The following CFAP74 variants were observed in gnomAD, a reference collection of about 807,000 sequenced individuals.
CFAP74 encodes the protein cilia- and flagella-associated protein 74.
A neutral mutation model predicts 188.9 loss-of-function variants in CFAP74; 124 were observed. The observed-to-expected ratio is 0.66, with a 90% CI of 0.57 to 0.76. CFAP74 has a LOEUF of 0.76. Among genes scored for constraint, CFAP74 ranks in the 30% least tolerant of loss-of-function variants. CFAP74 has a pLI of 0.00. For missense variants in CFAP74, 2,198 were observed against 2,165.2 expected, an observed-to-expected ratio of 1.02 and a Z score of -0.30; for synonymous variants, 956 against 916.7, an observed-to-expected ratio of 1.04 and a Z score of -0.77.
At chr1:1,992,034 C>A (rs1165386010) in intron 1 of CFAP74, among the ~76,000 whole-genome samples, 2 of 128,562 alleles carry the variant, frequency 1.6e-5, no homozygotes, top group African/African-American at 8.4e-5. Context: ...AGCGAGACTC[C>A]GTCTCAAAAA....
At chr1:1,948,991 T>C (rs375336727) in intron 18 of CFAP74, among the ~76,000 whole-genome samples, 11 of 13,524 alleles carry the variant, frequency 8.1e-4, no homozygotes, top group African/African-American at 1.1e-3. Flanking sequence ...CCTCCTTTCC[T>C]TCATTCCCTT....
Position 1,942,975 on chromosome 1 carries a change from G to A in CFAP74, c.2487-819C>T, listed in dbSNP as rs1653488487. Among the ~76,000 whole-genome samples, 1 of 152,160 alleles carries A rather than the reference G, an allele frequency of 6.6e-6. No homozygotes were observed. The highest frequency in any genetic ancestry group is 1.5e-5 in the Non-Finnish European group (1 of 68,018). On this transcript the variant is annotated intron_variant, in intron 21 of 38. Coordinates refer to ENST00000682832, the MANE Select transcript of CFAP74 (RefSeq NM_001304360.2). The surrounding 1 kb of genome is among the most constrained non-coding windows in gnomAD (Gnocchi z 4.3). The stretch of plus-strand genomic sequence containing the variant: ...GCCTCTGACCTCTGACCACTACCCA[G>A]AGGCCACCCACAGTGCGTCTGGGCA...
Position 1,924,441 on chromosome 1 carries a change from T to A in CFAP74, c.4184A>T (p.Gln1395Leu). The A allele has an allele frequency of 1.4e-6, 2 of 1,448,308 alleles. No individual in the cohort carries two copies. The highest frequency in any genetic ancestry group is 1.8e-6 in the Non-Finnish European group (2 of 1,088,066). The allele number at this position is 1,448,308 out of a possible 1,614,324, so 89.7% of individuals were successfully genotyped here. A position where few individuals can be genotyped will look rare whatever the true frequency, so the allele number is the denominator to read the frequency against. The change falls in exon 34 of 39, where the codon CAG becomes CTG. Residue 1395 changes from glutamine (Q) to leucine (L), a missense_variant. Physicochemically the swap from Gln to Leu is moderately radical, Grantham distance 113 (BLOSUM62 -2). Coordinates refer to ENST00000682832, the MANE Select transcript of CFAP74 (RefSeq NM_001304360.2). Reference protein sequence around the residue: ...SLSSTRGRGQQQLPQFLSSPS... With the variant: ...SLSSTRGRGQLQLPQFLSSPS... ...CGAGCTGAGGAACTGCGGCAGCTGCTGCTGGCCCCGGCCCCGGGTGCTGGA... is the reference window on the plus strand; with the variant it reads ...CGAGCTGAGGAACTGCGGCAGCTGCAGCTGGCCCCGGCCCCGGGTGCTGGA...
chr1:1,929,034 T>C (rs1464582836), intron 26 of CFAP74, among the ~76,000 whole-genome samples, 152 bp from the exon 27 acceptor site: 2 of 151,960 alleles, frequency 1.3e-5, no homozygotes, highest in Non-Finnish European at 2.9e-5. Flanking sequence ...AGGAAGCCCC[T>C]CCCTGACCTC....
intron 1 of CFAP74, among the ~76,000 whole-genome samples, chr1:1,993,866 C>CA (rs1483417312): frequency 1.3e-5 from 2 of 150,970 alleles, no homozygotes; most frequent in African/African-American, 4.9e-5. Context: ...CCTATAGTCC[C>CA]AGCTACTCGG....
At chr1:1,981,765 G>A (rs1261374112) in intron 6 of CFAP74, among the ~76,000 whole-genome samples, 1 of 138,572 alleles carries the variant, frequency 7.2e-6, no homozygotes, top group African/African-American at 2.9e-5. Flanking sequence ...GGTCACACGC[G>A]GGGGCACGCA....
chr1:1,942,187 G>T lies in CFAP74; in HGVS notation c.2487-31C>A, dbSNP rs1281276024. Reference sequence around the variant, plus strand: ...GGCGTGTCGCAGGGCACTGGGTCAGGTGCCACAGTCGTGATTCTGTGTGCG... The same window carrying T: ...GGCGTGTCGCAGGGCACTGGGTCAGTTGCCACAGTCGTGATTCTGTGTGCG... On this transcript the variant is annotated intron_variant, in intron 21 of 38. Coordinates refer to ENST00000682832, the MANE Select transcript of CFAP74 (RefSeq NM_001304360.2). This position sits in a 1 kb window ranked among gnomAD's most constrained non-coding sequence, Gnocchi z 4.3. The T allele has an allele frequency of 1.4e-6, 2 of 1,467,380 alleles. No individual in the cohort carries two copies. Among genetic ancestry groups the T allele is most frequent in the Admixed American group, 5.1e-5 (2 of 39,244 alleles). The allele number at this position is 1,467,380 out of a possible 1,614,324, so 90.9% of individuals were successfully genotyped here. A position where few individuals can be genotyped will look rare whatever the true frequency, so the allele number is the denominator to read the frequency against.
rs189770555 is a variant in CFAP74 at position 1,938,379 on chromosome 1, C to T, written c.3011+476G>A. Among the ~76,000 whole-genome samples, 39 of 151,580 alleles carry T rather than the reference C, an allele frequency of 2.6e-4. No homozygotes were observed. In the East Asian group the frequency reaches 6.2e-3, roughly 24 times the overall value. Reference sequence around the variant, plus strand: ...ACATGCAAGCTCACACACCCACCTACGTGTACTCACATAGGCACTCACCCC... The same window carrying T: ...ACATGCAAGCTCACACACCCACCTATGTGTACTCACATAGGCACTCACCCC... On this transcript the variant is annotated intron_variant, in intron 25 of 38. Coordinates refer to ENST00000682832, the MANE Select transcript of CFAP74 (RefSeq NM_001304360.2).
chr1:1,975,993 C>T lies in CFAP74; in HGVS notation c.501-1795G>A, dbSNP rs944128499. Among the ~76,000 whole-genome samples, 3 of 152,156 alleles carry T rather than the reference C, an allele frequency of 2.0e-5. No homozygotes were observed. Among genetic ancestry groups the T allele is most frequent in the South Asian group, 2.1e-4 (1 of 4,834 alleles). On this transcript the variant is annotated intron_variant, in intron 6 of 38. Transcript: ENST00000682832. The surrounding 1 kb of genome is among the most constrained non-coding windows in gnomAD (Gnocchi z 4.5). ...AATTTCATTCCTCAGTTCTGGAGGC[C>T]GGGAAGTCCAAGGTCAAGGTGCCAG...
At chr1:1,989,413 G>A (rs879650847) in intron 2 of CFAP74, among the ~76,000 whole-genome samples, 1 of 152,204 alleles carries the variant, frequency 6.6e-6, no homozygotes, top group Non-Finnish European at 1.5e-5. Context: ...TACGGCCCCC[G>A]AGCGTTCCTT....
chr1:1,960,349 C>T (rs1308299070), intron 14 of CFAP74, among the ~76,000 whole-genome samples: 1 of 152,276 alleles, frequency 6.6e-6, no homozygotes, highest in Non-Finnish European at 1.5e-5. Context: ...CCACAGTTCC[C>T]CTGGGCACAG....
chr1:1,966,496 A>G lies in CFAP74; in HGVS notation c.1276T>C (p.Ser426Pro). 6.3e-6 allele frequency: 10 copies of G among 1,595,606 alleles called. No homozygotes were observed. The highest frequency in any genetic ancestry group is 8.6e-6 in the Non-Finnish European group (10 of 1,168,844). ...CTGGAAACGACTTCCAGCAACCGAG[A>G]GGGCCCGGGGCCTGCAGCAGCCTCG... ...DYEAAAGPGP[S>P]RLLEVVSSEL... Residue 426 changes from serine (S) to proline (P), a missense_variant, in exon 12 of 39, where the codon TCT (serine) becomes CCT (proline). By Grantham distance (74) the Ser-to-Pro change is moderately conservative. Transcript: ENST00000682832.
Position 1,973,098 on chromosome 1 carries a change from C to T in CFAP74, c.675-51G>A, listed in dbSNP as rs759157737. 2.9e-6 allele frequency: 4 copies of T among 1,365,150 alleles called. No individual in the cohort carries two copies. The African/African-American group carries it at 5.8e-5, about 20-fold the overall frequency. 84.6% of individuals were successfully genotyped at this position (1,365,150 alleles called of 1,614,324 possible). On this transcript the variant is annotated intron_variant, in intron 7 of 38. Transcript: ENST00000682832. This position sits in a 1 kb window ranked among gnomAD's most constrained non-coding sequence, Gnocchi z 6.2. ...GGAAACTCGGCATCACACGTCCCAT[C>T]TGCCCCCAAGCCCTGCACGGCTGGA...
In CFAP74 at chr1:1,927,716, C is replaced by T; in HGVS notation, c.3418G>A (p.Asp1140Asn). ...FRKNMAPQRK[D>N]LHGLSFSVLR... ...ACGGAGAATGACAGTCCATGCAGGTCCTTCCTCTGGGGGGCCATATTCTTT... is the reference window on the plus strand; with the variant it reads ...ACGGAGAATGACAGTCCATGCAGGTTCTTCCTCTGGGGGGCCATATTCTTT... Residue 1140 changes from aspartate to asparagine, a missense_variant, in exon 28 of 39, where the codon GAC becomes AAC. Physicochemically the swap from Asp to Asn is conservative, Grantham distance 23. Transcript: ENST00000682832. 1 of 1,550,178 alleles carries T rather than the reference C, an allele frequency of 6.5e-7. No homozygotes were observed. The highest frequency in any genetic ancestry group is 1.7e-4 in the Middle Eastern group (1 of 5,986).
At chr1:1,963,928 G>A (rs992387228) in intron 13 of CFAP74, 61 bp from the exon 14 acceptor site, 6 of 1,110,144 alleles carry the variant, frequency 5.4e-6, no homozygotes, top group South Asian at 5.1e-5. Flanking sequence ...TGTGAGCACC[G>A]AGGCAGCTTT....
intron 23 of CFAP74, 108 bp downstream of exon 23, chr1:1,940,208 G>A (rs1469784230): frequency 1.2e-6 from 1 of 856,968 alleles, no homozygotes; most frequent in Non-Finnish European, 1.8e-6. Context: ...AGGCAAGTGA[G>A]GATGAGCCCT....
At chr1:1,925,654 G>A in intron 33 of CFAP74, 129 bp downstream of exon 33, 3 of 967,326 alleles carry the variant, frequency 3.1e-6, no homozygotes, top group South Asian at 3.4e-5. Flanking sequence ...AGGAGGGGTA[G>A]AGGGGGCCAC....
chr1:1,933,150 T>C (rs1019677574), intron 25 of CFAP74, among the ~76,000 whole-genome samples: 5 of 151,102 alleles, frequency 3.3e-5, no homozygotes, highest in Admixed American at 6.6e-5. Flanking sequence ...CCTCCCAAAG[T>C]GCTGGGATTA....
At chr1:1,993,747 C>T (rs1429215922) in intron 1 of CFAP74, among the ~76,000 whole-genome samples, 2 of 151,836 alleles carry the variant, frequency 1.3e-5, no homozygotes, top group African/African-American at 4.8e-5. Context: ...CTTTGGGAGG[C>T]CGAGGCAGGT....
Sources: gnomAD v4.1 joint callset for allele counts (sites outside exome capture counted in the v4.1 genomes callset) on GRCh38, gnomAD v4.1.1 for gene constraint, Gnocchi (gnomAD v3.1) non-coding constraint, MANE v1.5 for transcripts, NCBI Gene and HGNC (gene_info 2026-07-23, HGNC 2026-07-21) for gene names.